The following RIMBP2 variants were observed in gnomAD, a reference collection of about 807,000 sequenced individuals.
RIMBP2 encodes the protein RIMS binding protein 2, also known as RIMS-binding protein 2.
RIMBP2 carries 48 observed loss-of-function variants against 118.6 expected under a neutral mutation model. The ratio of observed to expected loss-of-function variants is 0.40; its 90% CI spans 0.32 to 0.51. RIMBP2 has a LOEUF of 0.51. RIMBP2 is among the 20% of genes least tolerant of loss of function. The pLI, the probability that RIMBP2 is intolerant of heterozygous loss-of-function variation, is 0.41. For missense variants in RIMBP2, 1,551 were observed against 1,768.3 expected (o/e 0.88, Z 2.20); for synonymous variants, 762 against 742.9 (o/e 1.03, Z -0.42).
chr12:130,499,047 G>A (rs1479111041), intron 4 of RIMBP2, among the ~76,000 whole-genome samples: 1 of 152,196 alleles, frequency 6.6e-6, no homozygotes, highest in East Asian at 1.9e-4. Context: ...GGAAACCTCA[G>A]GAAACTTACA....
At position 130,535,744 on chromosome 12, in the gene RIMBP2, T is replaced by TAC. The variant is rs1449983309; in HGVS notation, c.-216-17828_-216-17827insGT. 4.4e-3 allele frequency among the ~76,000 whole-genome samples: 231 copies of TAC among 52,054 alleles called. 2 individuals carry two copies. The highest frequency in any genetic ancestry group is 0.025 in the Middle Eastern group (3 of 118). The allele number at this position is 52,054 out of a possible 152,430, so 34.1% of individuals were successfully genotyped here. On this transcript the variant is annotated intron_variant, in intron 2 of 22. Coordinates refer to ENST00000690449, the MANE Select transcript of RIMBP2 (RefSeq NM_001393629.1). Reference sequence around the variant, plus strand: ...ATATATATACATATATATACATATATATATATATATATATATATATATATA... The same window carrying TAC: ...ATATATATACATATATATACATATATACATATATATATATATATATATATATA...
chr12:130,474,517 C>T (rs542635344), intron 5 of RIMBP2, among the ~76,000 whole-genome samples: 5 of 152,314 alleles, frequency 3.3e-5, no homozygotes, highest in East Asian at 1.9e-4. Context: ...GGTGGGCAGT[C>T]GGCAAACAGC....
chr12:130,567,633 C>G (rs2057323018), intron 2 of RIMBP2, among the ~76,000 whole-genome samples: 1 of 152,198 alleles, frequency 6.6e-6, no homozygotes, highest in African/African-American at 2.4e-5. Flanking sequence ...CAGGTTCCTA[C>G]TTGCCATTTT....
At chr12:130,592,126 C>T (rs191195927) in intron 2 of RIMBP2, among the ~76,000 whole-genome samples, 28 of 152,208 alleles carry the variant, frequency 1.8e-4, no homozygotes, top group Non-Finnish European at 3.2e-4. Context: ...TCATGACAGT[C>T]TCACGACTGA....
chr12:130,625,317 C>T (rs910316160), intron 2 of RIMBP2, among the ~76,000 whole-genome samples: 1 of 152,148 alleles, frequency 6.6e-6, no homozygotes, highest in African/African-American at 2.4e-5. Flanking sequence ...CATAGAGGGG[C>T]GCCGAGACCT....
intron 6 of RIMBP2, 39 bp downstream of exon 6, chr12:130,470,654 C>T (rs2080924275): frequency 2.5e-6 from 3 of 1,199,578 alleles, no homozygotes; most frequent in African/African-American, 3.1e-5. Context: ...TCCCCAACGT[C>T]CCCCACCCCC....
intron 2 of RIMBP2, among the ~76,000 whole-genome samples, chr12:130,608,087 G>A (rs189156174): frequency 5.9e-5 from 9 of 152,264 alleles, no homozygotes; most frequent in African/African-American, 1.7e-4. Flanking sequence ...CTAGGACAGC[G>A]CTTCCAGTCA....
At chr12:130,615,924 C>T (rs958654313) in intron 2 of RIMBP2, among the ~76,000 whole-genome samples, 1 of 152,090 alleles carries the variant, frequency 6.6e-6, no homozygotes, top group African/African-American at 2.4e-5. Flanking sequence ...TGGAGAAGTC[C>T]CCATACGCCT....
At chr12:130,438,999 T>A (rs1309070647) in intron 11 of RIMBP2, among the ~76,000 whole-genome samples, 1 of 149,138 alleles carries the variant, frequency 6.7e-6, no homozygotes, top group Admixed American at 6.7e-5. Flanking sequence ...CCTTTTCTTC[T>A]CTCTTTTCTC....
intron 6 of RIMBP2, among the ~76,000 whole-genome samples, chr12:130,462,324 C>T (rs767733163): frequency 2.0e-5 from 3 of 152,200 alleles, no homozygotes; most frequent in Non-Finnish European, 4.4e-5. Context: ...GATGCATTGC[C>T]ATAATTGAGG....
intron 11 of RIMBP2, among the ~76,000 whole-genome samples, chr12:130,440,403 T>G (rs2078022019): frequency 6.6e-6 from 1 of 152,146 alleles, no homozygotes; most frequent in Admixed American, 6.5e-5. Context: ...GACACGTCCC[T>G]CCAGTTTACT....
intron 6 of RIMBP2, among the ~76,000 whole-genome samples, chr12:130,463,566 G>A (rs191765354): frequency 6.6e-6 from 1 of 152,276 alleles, no homozygotes; most frequent in African/African-American, 2.4e-5. Context: ...TGATAAGCAG[G>A]CGCTGTGCTG....
chr12:130,552,584 A>G (rs922705134), intron 2 of RIMBP2, among the ~76,000 whole-genome samples: 1 of 152,238 alleles, frequency 6.6e-6, no homozygotes, highest in Non-Finnish European at 1.5e-5. Context: ...TCAGGAAATG[A>G]GCATCATTAG....
intron 3 of RIMBP2, among the ~76,000 whole-genome samples, chr12:130,510,680 G>A (rs2050823917): frequency 6.6e-6 from 1 of 152,150 alleles, no homozygotes; most frequent in South Asian, 2.1e-4. Context: ...TGTTGGCCAG[G>A]CTGGTCTTGA....
Position 130,493,094 on chromosome 12 carries a change from G to A in RIMBP2, c.-4+13554C>T, listed in dbSNP as rs918670928. ...GGAGGCTGCAGTGAGCCTAGATAAC[G>A]CACTGCACTCCAGCCTGGGTGAGAG... On this transcript the variant is annotated intron_variant, in intron 4 of 22. Coordinates refer to ENST00000690449, the MANE Select transcript of RIMBP2 (RefSeq NM_001393629.1). 5.3e-5 allele frequency among the ~76,000 whole-genome samples: 8 copies of A among 152,166 alleles called. No homozygotes were observed. The East Asian group carries it at 1.2e-3, about 22-fold the overall frequency.
Position 130,441,978 on chromosome 12 carries a change from G to A in RIMBP2, c.1374C>T (p.Phe458=). ...IVKAARYKYQ[F]FNLRPNMAYK... ...AGGCCATGTTGGGCCTGAGATTGAAGAACTGGTACTTGTACCTGGCGGCCT... is the reference window on the plus strand; with the variant it reads ...AGGCCATGTTGGGCCTGAGATTGAAAAACTGGTACTTGTACCTGGCGGCCT... Residue 458 remains phenylalanine (F), a synonymous_variant, in exon 11 of 23, where the codon TTC becomes TTT. Transcript: ENST00000690449. 2 of 1,614,182 alleles carry A rather than the reference G, an allele frequency of 1.2e-6. No individual in the cohort carries two copies. Among genetic ancestry groups the A allele is most frequent in the South Asian group, 1.1e-5 (1 of 91,090 alleles).
intron 10 of RIMBP2, 59 bp downstream of exon 10, chr12:130,445,101 T>A: frequency 2.8e-6 from 3 of 1,085,146 alleles, no homozygotes; most frequent in Non-Finnish European, 4.0e-6. Context: ...CTGGAAGAGG[T>A]GGTCTGCGGG....
chr12:130,664,089 A>G (rs1447212254), intron 1 of RIMBP2, among the ~76,000 whole-genome samples: 2 of 151,702 alleles, frequency 1.3e-5, no homozygotes, highest in South Asian at 2.1e-4. Flanking sequence ...TTGTATATCT[A>G]TAGTAACCCC....
chr12:130,560,825 A>C (rs2056762795), intron 2 of RIMBP2, among the ~76,000 whole-genome samples: 1 of 152,188 alleles, frequency 6.6e-6, no homozygotes, highest in South Asian at 2.1e-4. Flanking sequence ...CTTGCAATCC[A>C]GTATTAAGGG....
Sources: allele counts gnomAD v4.1 joint callset (sites outside exome capture counted in the v4.1 genomes callset), GRCh38; gene constraint gnomAD v4.1.1; transcripts MANE v1.5; gene names NCBI Gene and HGNC (gene_info 2026-07-23, HGNC 2026-07-21).